SSPN: variants seen among roughly 807,000 people sequenced by gnomAD.
SSPN encodes K-ras oncogene-associated protein.
In SSPN, 15 loss-of-function variants were observed where a neutral mutation model predicts 19.1. The ratio of observed to expected loss-of-function variants is 0.78; its 90% CI spans 0.52 to 1.21. The LOEUF (loss-of-function observed/expected upper bound fraction) is 1.21, where lower values mean the gene tolerates loss of function less well. Ranked by LOEUF, SSPN falls within the 50% of genes most tolerant of loss-of-function variation. The pLI, the probability that SSPN is intolerant of heterozygous loss-of-function variation, is 0.00. For missense variants in SSPN, 291 were observed against 314.0 expected, an observed-to-expected ratio of 0.93 and a Z score of 0.55; for synonymous variants, 147 against 140.3, an observed-to-expected ratio of 1.05 and a Z score of -0.34.
intron 1 of SSPN, among the ~76,000 whole-genome samples, chr12:26,182,226 C>G (rs1241248492): frequency 6.6e-6 from 1 of 152,180 alleles, no homozygotes; most frequent in Middle Eastern, 3.2e-3. Context: ...TTCAGTCAGT[C>G]ACTCAGTCAT....
chr12:26,122,425 G>T, intron 1 of SSPN: 1 of 1,350,058 alleles, frequency 7.4e-7, no homozygotes. Context: ...AGGAAGGGCT[G>T]CACGTAGGCG....
At chr12:26,166,902 T>G (rs1259253578) in intron 1 of SSPN, among the ~76,000 whole-genome samples, 1 of 152,246 alleles carries the variant, frequency 6.6e-6, no homozygotes, top group Non-Finnish European at 1.5e-5. Flanking sequence ...CGAAAGAGTG[T>G]AAATGTAGTG....
At chr12:26,169,566 G>A (rs1170098824) in intron 1 of SSPN, among the ~76,000 whole-genome samples, 1 of 145,386 alleles carries the variant, frequency 6.9e-6, no homozygotes, top group East Asian at 2.0e-4. Flanking sequence ...AGTAAGCTAG[G>A]AGGATTCAAA....
chr12:26,220,351 A>G (rs1349653671), intron 1 of SSPN, among the ~76,000 whole-genome samples: 1 of 151,906 alleles, frequency 6.6e-6, no homozygotes, highest in Non-Finnish European at 1.5e-5. Context: ...TTTAAGCTTT[A>G]TAGCAAATAC....
chr12:26,174,097 A>G (rs1426009665), intron 1 of SSPN, among the ~76,000 whole-genome samples: 1 of 152,334 alleles, frequency 6.6e-6, no homozygotes, highest in African/African-American at 2.4e-5. Context: ...GTCAGTCACC[A>G]AGAAGATAAA....
intron 1 of SSPN, among the ~76,000 whole-genome samples, chr12:26,132,858 T>A (rs1944404168): frequency 6.6e-6 from 1 of 152,230 alleles, no homozygotes; most frequent in African/African-American, 2.4e-5. Context: ...TACTCCTTGG[T>A]GTTCCACATC....
intron 1 of SSPN, among the ~76,000 whole-genome samples, chr12:26,214,101 A>T (rs1945021441): frequency 2.0e-5 from 3 of 152,068 alleles, no homozygotes; most frequent in Admixed American, 2.0e-4. Context: ...GGGGGAAAAC[A>T]CCTACTACAA....
intron 1 of SSPN, among the ~76,000 whole-genome samples, chr12:26,154,937 G>T: frequency 6.6e-6 from 1 of 152,160 alleles, no homozygotes; most frequent in East Asian, 1.9e-4. Flanking sequence ...AGGAAGCTGG[G>T]CATGACAGTG....
intron 1 of SSPN, among the ~76,000 whole-genome samples, chr12:26,189,834 G>T (rs1436860043): frequency 6.6e-6 from 1 of 152,160 alleles, no homozygotes; most frequent in African/African-American, 2.4e-5. Flanking sequence ...TTTACTTCAT[G>T]TGATTTCTCT....
intron 1 of SSPN, among the ~76,000 whole-genome samples, chr12:26,154,500 C>T (rs998742438): frequency 6.6e-6 from 1 of 152,144 alleles, no homozygotes; most frequent in African/African-American, 2.4e-5. Flanking sequence ...TCACCAATTC[C>T]TCTTAAGGGG....
At chr12:26,208,487 C>CTTTATGGTT (rs1944952016) in intron 1 of SSPN, among the ~76,000 whole-genome samples, 1 of 151,878 alleles carries the variant, frequency 6.6e-6, no homozygotes, top group African/African-American at 2.4e-5. Flanking sequence ...GTTACTTAAT[C>CTTTATGGTT]TTTATGGTTT....
chr12:26,161,272 C>T (rs1944586965), intron 1 of SSPN, among the ~76,000 whole-genome samples: 1 of 152,034 alleles, frequency 6.6e-6, no homozygotes, highest in Admixed American at 6.6e-5. Context: ...TAATCTCCTC[C>T]TCTGTTTCTT....
intron 2 of SSPN, among the ~76,000 whole-genome samples, chr12:26,228,233 C>A (rs1022269689): frequency 7.9e-5 from 12 of 151,082 alleles, no homozygotes; most frequent in Non-Finnish European, 1.3e-4. Flanking sequence ...CTGTCTCTAT[C>A]AAAAAAAATA....
At chr12:26,138,039 G>T (rs1565669676) in intron 1 of SSPN, among the ~76,000 whole-genome samples, 1 of 151,936 alleles carries the variant, frequency 6.6e-6, no homozygotes, top group Non-Finnish European at 1.5e-5. Flanking sequence ...CCGACCCCAT[G>T]ATACTAAAAT....
intron 1 of SSPN, among the ~76,000 whole-genome samples, chr12:26,156,947 T>C (rs1296430250): frequency 6.6e-6 from 1 of 152,250 alleles, no homozygotes; most frequent in Non-Finnish European, 1.5e-5. Flanking sequence ...CCAAATCTAG[T>C]GTGTGGAACA....
chr12:26,168,178 AC>A (rs1944632374), intron 1 of SSPN, among the ~76,000 whole-genome samples: 1 of 148,186 alleles, frequency 6.7e-6, no homozygotes, highest in African/African-American at 2.5e-5. Flanking sequence ...ACACCACTGC[AC>A]CCCAGCCTGG....
chr12:26,225,782 A>G (rs183909792), intron 2 of SSPN, among the ~76,000 whole-genome samples: 1 of 151,462 alleles, frequency 6.6e-6, no homozygotes, highest in Non-Finnish European at 1.5e-5. Flanking sequence ...AAAGCTTAGT[A>G]AGAAATGGCC....
chr12:26,196,637 T>A (rs1944832920), intron 1 of SSPN, among the ~76,000 whole-genome samples: 1 of 152,206 alleles, frequency 6.6e-6, no homozygotes. Flanking sequence ...TGTAGCATAC[T>A]TGGCTTGATT....
intron 1 of SSPN, chr12:26,124,220 G>A (rs771218727): frequency 1.3e-5 from 17 of 1,329,568 alleles, no homozygotes; most frequent in East Asian, 2.3e-5. Flanking sequence ...AACAGTAAGC[G>A]AAACATTCAC....
Sources: gnomAD v4.1 joint callset for allele counts (sites outside exome capture counted in the v4.1 genomes callset) on GRCh38, gnomAD v4.1.1 for gene constraint, MANE v1.5 for transcripts, NCBI Gene and HGNC (gene_info 2026-07-23, HGNC 2026-07-21) for gene names.